Variants in PPP1R12A observed in about 807,000 individuals in gnomAD.
PPP1R12A encodes myosin binding subunit.
In PPP1R12A, 19 loss-of-function variants were observed where a neutral mutation model predicts 139.6. The ratio of observed to expected loss-of-function variants is 0.14; its 90% CI spans 0.09 to 0.20. The LOEUF is 0.20. Among genes scored for constraint, PPP1R12A ranks in the 10% least tolerant of loss-of-function variants. The pLI, the probability that PPP1R12A is intolerant of heterozygous loss-of-function variation, is 1.00. For missense variants in PPP1R12A, 925 were observed against 1,211.5 expected (o/e 0.76, Z 3.51); for synonymous variants, 427 against 420.6 (o/e 1.02, Z -0.19).
At chr12:79,922,331 A>T (rs1887503033) in intron 1 of PPP1R12A, among the ~76,000 whole-genome samples, 1 of 152,218 alleles carries the variant, frequency 6.6e-6, no homozygotes, top group Admixed American at 6.5e-5. Context: ...GGATAACATT[A>T]TCGCATCAAT....
intron 1 of PPP1R12A, among the ~76,000 whole-genome samples, chr12:79,917,483 C>CAAAA (rs59586178): frequency 2.5e-5 from 2 of 78,904 alleles, no homozygotes; most frequent in East Asian, 3.3e-4. Flanking sequence ...GACTCTGTCT[C>CAAAA]AAAAAAAAAA....
At chr12:79,841,084 G>T (rs1376090090) in intron 3 of PPP1R12A, among the ~76,000 whole-genome samples, 1 of 150,560 alleles carries the variant, frequency 6.6e-6, no homozygotes, top group South Asian at 2.1e-4. Context: ...GAGAGAGAGA[G>T]ACAAGGTCTC....
chr12:79,840,070 T>A (rs1195699483), intron 3 of PPP1R12A, among the ~76,000 whole-genome samples: 1 of 152,186 alleles, frequency 6.6e-6, no homozygotes, highest in Non-Finnish European at 1.5e-5. Context: ...TAAAATGCAG[T>A]ATGGTACAGT....
At position 79,859,674 on chromosome 12, in the gene PPP1R12A, G is replaced by A. The variant is rs576404173; in HGVS notation, c.368+13134C>T. 1.6e-4 allele frequency among the ~76,000 whole-genome samples: 25 copies of A among 152,244 alleles called. No individual in the cohort carries two copies. The Middle Eastern group carries it at 0.01, about 63-fold the overall frequency. ...AATCCCAACACTTAAGGAGGCCGAA[G>A]CAGAAGAATCACTTGAGGTCAGGAG... On this transcript the variant is annotated intron_variant, in intron 2 of 24. Coordinates refer to ENST00000450142, the MANE Select transcript of PPP1R12A (RefSeq NM_002480.3).
chr12:79,840,328 C>T (rs1368559672), intron 3 of PPP1R12A, among the ~76,000 whole-genome samples: 1 of 152,214 alleles, frequency 6.6e-6, no homozygotes, highest in Admixed American at 6.5e-5. Flanking sequence ...GTCATTACTA[C>T]TATTATCATT....
chr12:79,809,892 G>A lies in PPP1R12A; in HGVS notation c.1358C>T (p.Thr453Ile). The change falls in exon 10 of 25, where the codon ACA (threonine) becomes ATA (isoleucine). Residue 453 changes from threonine (T) to isoleucine (I), a missense_variant. Thr to Ile is a moderately conservative substitution (Grantham distance 89). This residue lies in a region of PPP1R12A where 403 missense variants were observed against 463.7 expected (regional missense o/e 0.87). Coordinates refer to ENST00000450142, the MANE Select transcript of PPP1R12A (RefSeq NM_002480.3). ...TGSYGALAEITASKEGQKEKD... is the reference protein window; with the variant it reads ...TGSYGALAEIIASKEGQKEKD... ...TTCTTTCTGACCCTCTTTAGATGCTGTGATTTCAGCAAGTGCACCATAGCT... is the reference window on the plus strand; with the variant it reads ...TTCTTTCTGACCCTCTTTAGATGCTATGATTTCAGCAAGTGCACCATAGCT... 1.2e-6 allele frequency: 2 copies of A among 1,613,610 alleles called. No individual in the cohort carries two copies. The highest frequency in any genetic ancestry group is 1.7e-6 in the Non-Finnish European group (2 of 1,179,702).
At chr12:79,847,701 G>A (rs1035550444) in intron 2 of PPP1R12A, among the ~76,000 whole-genome samples, 3 of 152,130 alleles carry the variant, frequency 2.0e-5, no homozygotes, top group African/African-American at 7.2e-5. Context: ...ATGTAAAGCT[G>A]TGGTAGGTCC....
intron 9 of PPP1R12A, among the ~76,000 whole-genome samples, chr12:79,811,271 G>C (rs891688138): frequency 5.7e-4 from 87 of 152,310 alleles, no homozygotes; most frequent in African/African-American, 2.0e-3. Context: ...CTGTTATAAA[G>C]ATATACCTCT....
chr12:79,872,409 C>T (rs1240471270), intron 2 of PPP1R12A, among the ~76,000 whole-genome samples: 2 of 152,038 alleles, frequency 1.3e-5, no homozygotes, highest in Non-Finnish European at 2.9e-5. Flanking sequence ...AGTAAACAGG[C>T]TCACTGGAGA....
chr12:79,934,588 T>C, intron 1 of PPP1R12A, 107 bp downstream of exon 1: 1 of 1,056,086 alleles, frequency 9.5e-7, no homozygotes, highest in Non-Finnish European at 1.3e-6. Flanking sequence ...CAGCAGGGAG[T>C]CTCCCGCCGC....
At chr12:79,838,347 T>C (rs532704875) in intron 3 of PPP1R12A, among the ~76,000 whole-genome samples, 2 of 152,322 alleles carry the variant, frequency 1.3e-5, no homozygotes, top group East Asian at 3.9e-4. Flanking sequence ...CATAAAAGTA[T>C]GAAAAATTTG....
At position 79,901,384 on chromosome 12, in the gene PPP1R12A, G is replaced by A. The variant is rs181332392; in HGVS notation, c.238-28446C>T. 2.6e-4 allele frequency among the ~76,000 whole-genome samples: 39 copies of A among 152,068 alleles called. No homozygotes were observed. The East Asian group carries it at 6.6e-3, about 26-fold the overall frequency. On this transcript the variant is annotated intron_variant, in intron 1 of 24. Coordinates refer to ENST00000450142, the MANE Select transcript of PPP1R12A (RefSeq NM_002480.3). ...GCATCTGAGTTGTTTTCAGTTCTTG[G>A]TTATTATAAATAAAGCCACTATAAA...
chr12:79,935,251 C>G, upstream of PPP1R12A: 1 of 1,148,892 alleles, frequency 8.7e-7, no homozygotes, highest in Non-Finnish European at 1.1e-6. Flanking sequence ...CGCCCTGGGC[C>G]TGTGCCCGCC....
chr12:79,935,100 G>A, upstream of PPP1R12A: 1 of 1,367,036 alleles, frequency 7.3e-7, no homozygotes, highest in Non-Finnish European at 9.4e-7. Flanking sequence ...AGAGCACTGG[G>A]GCGGCGCACC....
rs913775135 is a variant in PPP1R12A at position 79,774,495 on chromosome 12, G to C, written c.*1434C>G. On this transcript the variant is annotated 3_prime_UTR_variant, in exon 25 of 25. Transcript: ENST00000450142. ...CAATGTACAATTTATTCAAATGGCT[G>C]AACTGTTCAGTGGTTAAGGAGACAG... 2 of 152,510 alleles carry C rather than the reference G, an allele frequency of 1.3e-5. No homozygotes were observed. Among genetic ancestry groups the C allele is most frequent in the African/African-American group, 4.8e-5 (2 of 41,424 alleles). The allele number at this position is 152,510 out of a possible 1,614,324, so 9.4% of individuals were successfully genotyped here.
intron 1 of PPP1R12A, among the ~76,000 whole-genome samples, chr12:79,886,002 A>T (rs537537012): frequency 6.6e-6 from 1 of 152,232 alleles, no homozygotes; most frequent in South Asian, 2.1e-4. Flanking sequence ...AGCCAAACAG[A>T]AACAATTCTT....
intron 1 of PPP1R12A, among the ~76,000 whole-genome samples, chr12:79,889,117 A>G (rs1884369938): frequency 6.6e-6 from 1 of 152,256 alleles, no homozygotes; most frequent in African/African-American, 2.4e-5. Flanking sequence ...TTGCAAAGTG[A>G]AAAGAACAAA....
At chr12:79,789,583 T>C (rs1170110435) in intron 20 of PPP1R12A, 1 of 444,560 alleles carries the variant, frequency 2.2e-6, no homozygotes, top group Non-Finnish European at 4.5e-6. Flanking sequence ...TATCTGGTTC[T>C]GAAATTCAGG....
intron 1 of PPP1R12A, among the ~76,000 whole-genome samples, chr12:79,926,724 G>A (rs1887869897): frequency 9.0e-6 from 1 of 111,604 alleles, no homozygotes; most frequent in South Asian, 2.9e-4. Flanking sequence ...ACAAAATGCC[G>A]ATACAAAAGG....
Sources: gnomAD v4.1 joint callset for allele counts (sites outside exome capture counted in the v4.1 genomes callset) on GRCh38, gnomAD v4.1.1 for gene constraint, gnomAD v4.1.1 regional missense constraint, MANE v1.5 for transcripts, NCBI Gene and HGNC (gene_info 2026-07-23, HGNC 2026-07-21) for gene names.